TTC8: variants seen among roughly 807,000 people sequenced by gnomAD.
TTC8 encodes the protein tetratricopeptide repeat domain 8.
Under a neutral mutation model 72.5 loss-of-function variants are expected in TTC8, and 47 were observed. The ratio of observed to expected loss-of-function variants is 0.65; its 90% confidence interval spans 0.51 to 0.83. The LOEUF is 0.83. TTC8 is among the 40% of genes least tolerant of loss of function. TTC8 has a pLI of 0.00. For synonymous variants in TTC8, 199 were observed against 221.4 expected, an observed-to-expected ratio of 0.90 and a Z score of 0.90; for missense variants, 611 against 623.2, an observed-to-expected ratio of 0.98 and a Z score of 0.21.
chr14:88,858,781 T>C (rs960486198), intron 9 of TTC8, among the ~76,000 whole-genome samples: 263 of 125,214 alleles, frequency 2.1e-3, no homozygotes, highest in African/African-American at 8.0e-3. Context: ...TTTTTTTTTT[T>C]TGGTAGAGAT....
At position 88,871,794 on chromosome 14, in the gene TTC8, A is replaced by G. The variant is rs564949398; in HGVS notation, c.1224+71A>G. 7.9e-5 allele frequency: 122 copies of G among 1,551,930 alleles called. 1 individual carries two copies. In the African/African-American group the frequency reaches 1.4e-3, roughly 18 times the overall value. ...GAGCCAGACACAGTGGCTCATGCCTATAATTCCAGCATTTTGGGAGGCTGA... is the reference window on the plus strand; with the variant it reads ...GAGCCAGACACAGTGGCTCATGCCTGTAATTCCAGCATTTTGGGAGGCTGA... On this transcript the variant is annotated intron_variant, in intron 12 of 14. Transcript: ENST00000380656. This position sits in a 1 kb window ranked among gnomAD's most constrained non-coding sequence, Gnocchi z 4.1.
Position 88,872,420 on chromosome 14 carries a change from G to A in TTC8, c.1315G>A (p.Val439Met). Residue 439 changes from valine to methionine, a missense_variant, in exon 13 of 15, where the codon GTG (valine) becomes ATG (methionine). Val to Met is a conservative substitution (Grantham distance 21). Transcript: ENST00000380656. ...NHAEAYNNLA[V>M]LEMRKGHVEQ... ...CGCCGAGGCCTACAACAACCTGGCT[G>A]TGCTGGAGATGCGGAAGGGCCACGT... 1.9e-6 allele frequency: 3 copies of A among 1,614,070 alleles called. No homozygotes were observed. Among genetic ancestry groups the A allele is most frequent in the Non-Finnish European group, 2.5e-6 (3 of 1,179,954 alleles).
chr14:88,838,967 C>T (rs1184858122), intron 2 of TTC8, among the ~76,000 whole-genome samples: 1 of 151,946 alleles, frequency 6.6e-6, no homozygotes, highest in Non-Finnish European at 1.5e-5. Context: ...GAGTGTTTTT[C>T]AAATATGGTT....
intron 6 of TTC8, among the ~76,000 whole-genome samples, chr14:88,841,910 T>C (rs1279980365): frequency 2.6e-5 from 4 of 152,170 alleles, no homozygotes. Flanking sequence ...CAAAGGATGA[T>C]AAAAATTATG....
intron 9 of TTC8, among the ~76,000 whole-genome samples, chr14:88,860,903 T>C (rs1377310584): frequency 6.6e-6 from 1 of 151,852 alleles, no homozygotes; most frequent in African/African-American, 2.4e-5. Context: ...TCCCAGGCTC[T>C]AGTGATCCTC....
At chr14:88,837,036 G>A in intron 2 of TTC8, 1 of 271,898 alleles carries the variant, frequency 3.7e-6, no homozygotes, top group South Asian at 3.0e-5. Context: ...ACTCCAGCTT[G>A]GGCAACAAGA....
chr14:88,843,695 C>T (rs896803561), intron 6 of TTC8, 111 bp from the exon 7 acceptor site: 3 of 700,592 alleles, frequency 4.3e-6, no homozygotes, highest in Non-Finnish European at 7.2e-6. Context: ...GTGATAGTAA[C>T]AAAAGATGGA....
intron 10 of TTC8, among the ~76,000 whole-genome samples, chr14:88,864,472 C>T (rs2094901383): frequency 6.6e-6 from 1 of 152,170 alleles, no homozygotes; most frequent in African/African-American, 2.4e-5. Flanking sequence ...GCAGAAAGAG[C>T]TAGAGAACTA....
rs1302360133 is a variant in TTC8 at position 88,877,607 on chromosome 14, T to C, written c.*197T>C. On this transcript the variant is annotated 3_prime_UTR_variant, in exon 15 of 15. Coordinates refer to ENST00000380656, the MANE Select transcript of TTC8 (RefSeq NM_144596.4). ...TAGTAATAGTAACTTTATAAAATAA[T>C]ATTATAAAATACAGGATTTAAACCT... is the stretch of plus-strand genomic sequence containing the variant. 7 of 470,400 alleles carry C rather than the reference T, an allele frequency of 1.5e-5. No homozygotes were observed. Among genetic ancestry groups the C allele is most frequent in the Middle Eastern group, 5.7e-4 (1 of 1,750 alleles). The allele number at this position is 470,400 out of a possible 1,614,324, so 29.1% of individuals were successfully genotyped here.
intron 13 of TTC8, 96 bp downstream of exon 13, chr14:88,872,548 A>G (rs1015944126): frequency 1.3e-5 from 21 of 1,557,884 alleles, no homozygotes; most frequent in Non-Finnish European, 1.7e-5. Context: ...TTTTAAAATG[A>G]GCTCTAGAAT....
In TTC8 at chr14:88,870,124, T is replaced by G. The variant is rs756378083; in HGVS notation, c.975T>G (p.His325Gln). 3 of 1,613,980 alleles carry G rather than the reference T, an allele frequency of 1.9e-6. No homozygotes were observed. In the African/African-American group the frequency reaches 4.0e-5, roughly 22 times the overall value. ...AAGTTTTGAAACAAGACAATACTCATGTGGAAGCCATCGCATGCATTGGAA... is the reference window on the plus strand; with the variant it reads ...AAGTTTTGAAACAAGACAATACTCAGGTGGAAGCCATCGCATGCATTGGAA... ...YKEVLKQDNTHVEAIACIGSN... is the reference protein window; with the variant it reads ...YKEVLKQDNTQVEAIACIGSN... Residue 325 changes from histidine to glutamine, a missense_variant, in exon 11 of 15, where the codon CAT becomes CAG. By Grantham distance (24) the His-to-Gln change is conservative. Transcript: ENST00000380656.
chr14:88,837,068 TA>T, intron 2 of TTC8: 1 of 264,294 alleles, frequency 3.8e-6, no homozygotes. Context: ...TCTCAAAAAG[TA>T]AATGAATAAA....
intron 10 of TTC8, among the ~76,000 whole-genome samples, chr14:88,863,248 G>A (rs2094896419): frequency 6.6e-6 from 1 of 152,130 alleles, no homozygotes; most frequent in Admixed American, 6.5e-5. Context: ...GGGACTCATA[G>A]TACTCAGCCA....
chr14:88,832,913 A>G (rs2094732839), intron 1 of TTC8, among the ~76,000 whole-genome samples: 1 of 151,880 alleles, frequency 6.6e-6, no homozygotes, highest in Non-Finnish European at 1.5e-5. Context: ...TGGGGCCCTC[A>G]TTTTCTAGCC....
chr14:88,871,807 T>C lies in TTC8; in HGVS notation c.1224+84T>C, dbSNP rs902971632. 3 of 1,488,846 alleles carry C rather than the reference T, an allele frequency of 2.0e-6. No individual in the cohort carries two copies. The East Asian group carries it at 6.8e-5, about 34-fold the overall frequency. 92.2% of individuals were successfully genotyped at this position (1,488,846 alleles called of 1,614,324 possible). ...TGGCTCATGCCTATAATTCCAGCAT[T>C]TTGGGAGGCTGAAGCAGGAGGATTG... On this transcript the variant is annotated intron_variant, in intron 12 of 14. Coordinates refer to ENST00000380656, the MANE Select transcript of TTC8 (RefSeq NM_144596.4). This position sits in a 1 kb window ranked among gnomAD's most constrained non-coding sequence, Gnocchi z 4.1.
chr14:88,838,327 G>A (rs753246641), intron 2 of TTC8, among the ~76,000 whole-genome samples: 6 of 152,210 alleles, frequency 3.9e-5, no homozygotes, highest in Middle Eastern at 3.4e-3. Flanking sequence ...TAGCCTGCTG[G>A]TATTTAATTA....
At chr14:88,826,287 C>T (rs2094700091) in intron 1 of TTC8, among the ~76,000 whole-genome samples, 1 of 151,744 alleles carries the variant, frequency 6.6e-6, no homozygotes, top group Non-Finnish European at 1.5e-5. Context: ...CGCGCCCAGC[C>T]CCCAAATGTG....
chr14:88,867,237 T>A (rs2094914102), intron 10 of TTC8, among the ~76,000 whole-genome samples: 1 of 152,210 alleles, frequency 6.6e-6, no homozygotes, highest in Non-Finnish European at 1.5e-5. Context: ...TGTACAAAGA[T>A]GTTTTTATAG....
chr14:88,824,654 C>G lies in TTC8; in HGVS notation c.-54C>G. On this transcript the variant is annotated 5_prime_UTR_variant, in exon 1 of 15. Transcript: ENST00000380656. ...AGTCGGACGCCGCCAGCTCTTCACT[C>G]CACGCCCACCTCTCTCCTGGAGCGC... 1 of 1,476,028 alleles carries G rather than the reference C, an allele frequency of 6.8e-7. No homozygotes were observed. Among genetic ancestry groups the G allele is most frequent in the Non-Finnish European group, 9.3e-7 (1 of 1,079,800 alleles). The allele number at this position is 1,476,028 out of a possible 1,614,324, so 91.4% of individuals were successfully genotyped here. A position where few individuals can be genotyped will look rare whatever the true frequency, so the allele number is the denominator to read the frequency against.
Sources: allele counts gnomAD v4.1 joint callset (sites outside exome capture counted in the v4.1 genomes callset), GRCh38; gene constraint gnomAD v4.1.1; non-coding constraint Gnocchi (gnomAD v3.1); transcripts MANE v1.5; gene names NCBI Gene and HGNC (gene_info 2026-07-23, HGNC 2026-07-21).